Variants in PCSK5 observed in about 807,000 individuals in gnomAD.
PCSK5 encodes the protein prohormone convertase 5.
In PCSK5, 129 loss-of-function variants were observed where a neutral mutation model predicts 233.2. That is an observed-to-expected ratio of 0.55 (90% confidence interval 0.48 to 0.64). The LOEUF is 0.64. Ranked by LOEUF, PCSK5 falls within the 30% of genes least tolerant of loss-of-function variation. PCSK5 has a pLI of 0.00. For missense variants in PCSK5, 2,076 were observed against 2,430.1 expected (o/e 0.85, Z 3.06); for synonymous variants, 825 against 879.2 (o/e 0.94, Z 1.09).
intron 2 of PCSK5, among the ~76,000 whole-genome samples, chr9:75,952,936 A>G (rs1339546969): frequency 6.6e-6 from 1 of 152,206 alleles, no homozygotes; most frequent in Non-Finnish European, 1.5e-5. Flanking sequence ...ATTACCATAT[A>G]TAAGATAAAT....
intron 3 of PCSK5, among the ~76,000 whole-genome samples, chr9:76,010,222 AATG>A (rs2131451901): frequency 1.3e-5 from 2 of 152,324 alleles, no homozygotes; most frequent in East Asian, 3.9e-4. Flanking sequence ...CTGGTTCCGT[AATG>A]ATGTAATTAA....
chr9:76,265,318 T>C (rs1382563154), intron 24 of PCSK5, among the ~76,000 whole-genome samples: 1 of 151,910 alleles, frequency 6.6e-6, no homozygotes, highest in African/African-American at 2.4e-5. Flanking sequence ...AAGTTCAGTA[T>C]CAGTTATACC....
intron 2 of PCSK5, among the ~76,000 whole-genome samples, chr9:75,950,375 C>G (rs1437020461): frequency 6.6e-6 from 1 of 151,940 alleles, no homozygotes; most frequent in Admixed American, 6.5e-5. Context: ...CACATTTTTT[C>G]AAGGCTTATG....
intron 2 of PCSK5, among the ~76,000 whole-genome samples, chr9:75,943,495 G>A (rs4347052): frequency 0.85 from 129,174 of 152,168 alleles, 54,844 homozygotes; most frequent in Admixed American, 0.88. Flanking sequence ...AAATCTAATT[G>A]AAACACCACC....
chr9:76,165,931 A>C (rs1328193783), intron 12 of PCSK5, among the ~76,000 whole-genome samples: 1 of 152,188 alleles, frequency 6.6e-6, no homozygotes, highest in Non-Finnish European at 1.5e-5. Context: ...TGATTGTCTT[A>C]AGCAAGTATG....
chr9:75,894,868 A>G (rs1365516462), intron 1 of PCSK5, among the ~76,000 whole-genome samples: 1 of 152,238 alleles, frequency 6.6e-6, no homozygotes, highest in Non-Finnish European at 1.5e-5. Context: ...ATAAAGGAAT[A>G]AGACCTGACA....
intron 35 of PCSK5, among the ~76,000 whole-genome samples, chr9:76,348,617 C>A (rs2490571): frequency 6.6e-6 from 1 of 151,788 alleles, no homozygotes; most frequent in Non-Finnish European, 1.5e-5. Flanking sequence ...AGAAATCCAT[C>A]ACTTCAAATA....
At chr9:76,167,136 C>A (rs943148877) in intron 12 of PCSK5, among the ~76,000 whole-genome samples, 1 of 152,190 alleles carries the variant, frequency 6.6e-6, no homozygotes, top group Non-Finnish European at 1.5e-5. Context: ...CCATCTTCAT[C>A]CTTGTCACTG....
chr9:76,143,079 G>T (rs1183084446), intron 10 of PCSK5, among the ~76,000 whole-genome samples: 1 of 152,174 alleles, frequency 6.6e-6, no homozygotes, highest in African/African-American at 2.4e-5. Context: ...CAGTGAGAGG[G>T]TGAAAGATGT....
chr9:76,181,302 A>C, intron 15 of PCSK5, 96 bp from the exon 16 acceptor site: 1 of 1,004,310 alleles, frequency 1.0e-6, no homozygotes, highest in Non-Finnish European at 1.5e-6. Context: ...AGTGATTTGG[A>C]AGCTGAGCTC....
chr9:76,022,276 A>G lies in PCSK5; in HGVS notation c.412-1462A>G, dbSNP rs543246426. Among the ~76,000 whole-genome samples, 28 of 152,310 alleles carry G rather than the reference A, an allele frequency of 1.8e-4. No homozygotes were observed. The South Asian group carries it at 5.4e-3, about 29-fold the overall frequency. On this transcript the variant is annotated intron_variant, in intron 3 of 37. Coordinates refer to ENST00000674117, the MANE Select transcript of PCSK5 (RefSeq NM_001372043.1). ...TCTGCCTTGCGCACAGCCATACCCT[A>G]GCATATAAATTCAAGCCAGGTAACT...
chr9:76,284,284 C>A (rs1454513389), intron 24 of PCSK5, among the ~76,000 whole-genome samples: 1 of 152,140 alleles, frequency 6.6e-6, no homozygotes, highest in African/African-American at 2.4e-5. Context: ...ATAATCCCCA[C>A]ATGTCAAGGG....
At chr9:75,963,927 T>C (rs929199599) in intron 2 of PCSK5, among the ~76,000 whole-genome samples, 13 of 152,232 alleles carry the variant, frequency 8.5e-5, no homozygotes, top group African/African-American at 3.1e-4. Context: ...TACCATATAG[T>C]GGAAAAAGCA....
At chr9:76,332,861 G>A (rs1038698314) in intron 34 of PCSK5, among the ~76,000 whole-genome samples, 26 of 152,184 alleles carry the variant, frequency 1.7e-4, no homozygotes, top group Admixed American at 1.3e-4. Flanking sequence ...CTTCCTCAAC[G>A]ACAGTCCTTA....
chr9:76,107,432 C>G, intron 9 of PCSK5, 81 bp downstream of exon 9: 4 of 736,668 alleles, frequency 5.4e-6, no homozygotes, highest in Non-Finnish European at 8.8e-6. Context: ...TGTATAGGAC[C>G]CCTAGCATGA....
chr9:76,138,249 C>T (rs1823059023), intron 10 of PCSK5, among the ~76,000 whole-genome samples: 2 of 152,004 alleles, frequency 1.3e-5, no homozygotes, highest in African/African-American at 2.4e-5. Context: ...TTTAGTCAAG[C>T]CCCGACAATC....
At chr9:76,103,704 G>A (rs1197898848) in intron 8 of PCSK5, among the ~76,000 whole-genome samples, 5 of 152,288 alleles carry the variant, frequency 3.3e-5, no homozygotes, top group African/African-American at 4.8e-5. Context: ...CCTGAGAGAC[G>A]CTGAAAATCT....
chr9:76,314,894 C>G (rs775640756), intron 30 of PCSK5, among the ~76,000 whole-genome samples: 2 of 151,476 alleles, frequency 1.3e-5, no homozygotes, highest in African/African-American at 4.9e-5. Flanking sequence ...ACCACCGTGG[C>G]CTCCCAAAGT....
intron 35 of PCSK5, among the ~76,000 whole-genome samples, chr9:76,342,077 C>A (rs1422734297): frequency 6.6e-6 from 1 of 152,128 alleles, no homozygotes; most frequent in African/African-American, 2.4e-5. Context: ...CCTTTATGTT[C>A]CAAAGAGATT....
Sources: gnomAD v4.1 joint callset for allele counts (sites outside exome capture counted in the v4.1 genomes callset) on GRCh38, gnomAD v4.1.1 for gene constraint, MANE v1.5 for transcripts, NCBI Gene and HGNC (gene_info 2026-07-23, HGNC 2026-07-21) for gene names.